CFAP47: variants seen among roughly 807,000 people sequenced by gnomAD.
The protein encoded by CFAP47 is cilia and flagella associated protein 47.
Under a neutral mutation model 148.1 loss-of-function variants are expected in CFAP47, and 29 were observed. That is an observed-to-expected ratio of 0.20 (90% confidence interval 0.15 to 0.27). The LOEUF (loss-of-function observed/expected upper bound fraction) is 0.27. CFAP47 is among the 10% of genes least tolerant of loss of function. The probability of loss-of-function intolerance (pLI) is 1.00; values close to 1 mark genes in which losing one functional copy is unlikely to be tolerated. For missense variants in CFAP47, 1,872 were observed against 1,697.5 expected (o/e 1.10, Z -1.81); for synonymous variants, 664 against 577.3 (o/e 1.15, Z -2.15).
rs754998357 is a variant in CFAP47, at chrX:36,143,127, C to T, written c.5536-2092C>T. ...AATACTGATGAGAAACTTTATGGTC[C>T]TGGTATATTTCCAAGGCTTCCTCAA... On this transcript the variant is annotated intron_variant, in intron 35 of 63. Coordinates refer to ENST00000378653, the MANE Select transcript of CFAP47 (RefSeq NM_001304548.2). Among the ~76,000 whole-genome samples the T allele has an allele frequency of 2.2e-4, 25 of 112,180 alleles. No individual in the cohort carries two copies. In the South Asian group the frequency reaches 9.2e-3, roughly 41 times the overall value.
At chrX:36,107,591 C>T (rs1324918001) in intron 33 of CFAP47, among the ~76,000 whole-genome samples, 1 of 112,037 alleles carries the variant, frequency 8.9e-6, no homozygotes, top group Non-Finnish European at 1.9e-5. Flanking sequence ...GACAAGCCAA[C>T]AGCTTATTAT....
At chrX:36,323,936 A>G (rs1458569709) in intron 57 of CFAP47, among the ~76,000 whole-genome samples, 1 of 111,524 alleles carries the variant, frequency 9.0e-6, no homozygotes, top group African/African-American at 3.2e-5. Context: ...AATGAGCTTC[A>G]TACTATACTA....
At chrX:35,961,247 AT>A (rs1936326555) in intron 8 of CFAP47, among the ~76,000 whole-genome samples, 1 of 111,618 alleles carries the variant, frequency 9.0e-6, no homozygotes. Context: ...TTAGTTGAGG[AT>A]TTTTGCATAT....
Position 36,141,140 on chromosome X carries a change from G to C in CFAP47, c.5535+2676G>C, listed in dbSNP as rs758949178. Among the ~76,000 whole-genome samples the C allele has an allele frequency of 1.0e-4, 11 of 108,058 alleles. No individual in the cohort carries two copies. In the South Asian group the frequency reaches 4.2e-3, roughly 41 times the overall value. The allele number at this position is 108,058 out of a possible 115,157, so 93.8% of individuals were successfully genotyped here. A position where few individuals can be genotyped will look rare whatever the true frequency, so the allele number is the denominator to read the frequency against. ...AGGATATATGAGAGGGGATTTATTA[G>C]GGGGAATTGGCTCACATGAACACAG... On this transcript the variant is annotated intron_variant, in intron 35 of 63. Transcript: ENST00000378653.
At chrX:36,223,491 C>T (rs1302552687) in intron 45 of CFAP47, among the ~76,000 whole-genome samples, 4 of 110,917 alleles carry the variant, frequency 3.6e-5, no homozygotes, top group Non-Finnish European at 7.6e-5. Context: ...GAATTAAAAG[C>T]TCTGACTATT....
At chrX:36,057,282 A>G (rs962020019) in intron 26 of CFAP47, among the ~76,000 whole-genome samples, 4 of 112,088 alleles carry the variant, frequency 3.6e-5, no homozygotes, top group Non-Finnish European at 7.5e-5. Context: ...AAAGAGACCA[A>G]TGAATAAGCT....
intron 46 of CFAP47, among the ~76,000 whole-genome samples, chrX:36,235,668 C>T (rs979552934): frequency 7.1e-5 from 8 of 112,206 alleles, no homozygotes; most frequent in East Asian, 2.8e-4. Flanking sequence ...GAGATGAACC[C>T]GGTACCTCAG....
chrX:36,180,767 C>T lies in CFAP47; in HGVS notation c.6104+1345C>T, dbSNP rs1009620901. 2.7e-5 allele frequency among the ~76,000 whole-genome samples: 3 copies of T among 111,789 alleles called. 1 individual carries two copies. Among genetic ancestry groups the T allele is most frequent in the African/African-American group, 6.5e-5 (2 of 30,822 alleles). On this transcript the variant is annotated intron_variant, in intron 40 of 63. Coordinates refer to ENST00000378653, the MANE Select transcript of CFAP47 (RefSeq NM_001304548.2). ...GTCTCACTGAATTTATTTTATTGAA[C>T]GCCAATGTCATGCTTACCTAGGGCT...
chrX:36,120,198 C>T (rs183030955), intron 33 of CFAP47, among the ~76,000 whole-genome samples: 175 of 107,048 alleles, frequency 1.6e-3, no homozygotes, highest in African/African-American at 2.7e-3. Flanking sequence ...TTAGTAGAGA[C>T]GGGGTTTCAT....
At chrX:36,048,056 C>T (rs1016277491) in intron 26 of CFAP47, among the ~76,000 whole-genome samples, 1 of 111,608 alleles carries the variant, frequency 9.0e-6, no homozygotes, top group Non-Finnish European at 1.9e-5. Flanking sequence ...ATCTGGTTTT[C>T]TACAGTGAAT....
At chrX:35,935,487 A>C (rs1354601158) in intron 2 of CFAP47, among the ~76,000 whole-genome samples, 1 of 108,580 alleles carries the variant, frequency 9.2e-6, no homozygotes. Flanking sequence ...TGTTTCCTAC[A>C]CTCTTGAATG....
intron 30 of CFAP47, among the ~76,000 whole-genome samples, chrX:36,088,059 T>C (rs1431488978): frequency 9.0e-6 from 1 of 111,409 alleles, no homozygotes; most frequent in African/African-American, 3.3e-5. Context: ...CATCTTCTTA[T>C]AAAGACACAA....
At chrX:36,339,622 T>G (rs6527554) in intron 57 of CFAP47, among the ~76,000 whole-genome samples, 11,785 of 110,998 alleles carry the variant, frequency 0.11, 520 homozygotes, top group East Asian at 0.26. Flanking sequence ...TTATGCAACG[T>G]GTGCTTGACA....
At chrX:36,092,414 A>G (rs753348270) in intron 30 of CFAP47, among the ~76,000 whole-genome samples, 1 of 110,855 alleles carries the variant, frequency 9.0e-6, no homozygotes, top group East Asian at 2.8e-4. Context: ...CAATTTTATA[A>G]TATTATAACA....
intron 15 of CFAP47, among the ~76,000 whole-genome samples, chrX:35,979,909 TA>T (rs1184048995): frequency 8.9e-6 from 1 of 112,424 alleles, no homozygotes; most frequent in East Asian, 2.8e-4. Context: ...TTGAGCTTTT[TA>T]AACCTTAGCA....
intron 33 of CFAP47, among the ~76,000 whole-genome samples, chrX:36,126,163 G>A (rs886376053): frequency 6.4e-5 from 7 of 108,539 alleles, no homozygotes; most frequent in African/African-American, 2.4e-4. Context: ...AGGTATACAC[G>A]TGCCATGGTG....
At chrX:36,110,773 C>T (rs944686015) in intron 33 of CFAP47, among the ~76,000 whole-genome samples, 17 of 111,852 alleles carry the variant, frequency 1.5e-4, no homozygotes, top group African/African-American at 5.5e-4. Flanking sequence ...TTGGTGTCAT[C>T]TCTGATTTCT....
intron 48 of CFAP47, among the ~76,000 whole-genome samples, chrX:36,239,495 C>T (rs187597276): frequency 2.0e-3 from 229 of 112,139 alleles, no homozygotes; most frequent in Non-Finnish European, 3.9e-3. Context: ...GTATGGATTA[C>T]TATTTGACCT....
intron 3 of CFAP47, among the ~76,000 whole-genome samples, chrX:35,944,936 A>G (rs1200873616): frequency 1.8e-5 from 2 of 112,220 alleles, no homozygotes; most frequent in Non-Finnish European, 3.8e-5. Flanking sequence ...GCAAAAGTTG[A>G]CATAGTTAGC....
Sources: allele counts gnomAD v4.1 joint callset (sites outside exome capture counted in the v4.1 genomes callset), GRCh38; gene constraint gnomAD v4.1.1; transcripts MANE v1.5; gene names NCBI Gene and HGNC (gene_info 2026-07-23, HGNC 2026-07-21).